XPO4: variants seen among roughly 807,000 people sequenced by gnomAD.
XPO4 encodes the protein exportin-4.
A neutral mutation model predicts 143.0 loss-of-function variants in XPO4; 39 were observed. The ratio of observed to expected loss-of-function variants is 0.27; its 90% CI spans 0.21 to 0.36. The LOEUF is 0.36. XPO4 is among the 10% of genes least tolerant of loss of function. The pLI is 1.00. For missense variants in XPO4, 907 were observed against 1,348.0 expected (o/e 0.67, Z 5.12); for synonymous variants, 439 against 474.0 (o/e 0.93, Z 0.96).
At chr13:20,879,742 T>G (rs750108698) in intron 1 of XPO4, among the ~76,000 whole-genome samples, 7 of 152,108 alleles carry the variant, frequency 4.6e-5, no homozygotes, top group Non-Finnish European at 8.8e-5. Flanking sequence ...AAAACTTCTG[T>G]ACATCAAATG....
chr13:20,800,644 T>C lies in XPO4; in HGVS notation c.1977+187A>G, dbSNP rs531946951. Among the ~76,000 whole-genome samples, 3 of 152,304 alleles carry C rather than the reference T, an allele frequency of 2.0e-5. No homozygotes were observed. The South Asian group carries it at 6.2e-4, about 32-fold the overall frequency. ...CTTCAACAGCAGTTAAAATAAACGATATCAAGGGATGTGCTCAAAAACACA... is the reference window on the plus strand; with the variant it reads ...CTTCAACAGCAGTTAAAATAAACGACATCAAGGGATGTGCTCAAAAACACA... On this transcript the variant is annotated intron_variant, in intron 14 of 22. Transcript: ENST00000255305.
intron 1 of XPO4, among the ~76,000 whole-genome samples, chr13:20,895,197 T>C (rs377467064): frequency 2.6e-5 from 4 of 151,866 alleles, no homozygotes; most frequent in African/African-American, 9.7e-5. Flanking sequence ...AAAATAGAAA[T>C]GCATGCAACA....
chr13:20,828,746 C>T (rs111530410), intron 6 of XPO4, among the ~76,000 whole-genome samples: 4,445 of 152,056 alleles, frequency 0.029, 230 homozygotes, highest in African/African-American at 0.1. Context: ...GAGGTGAAGG[C>T]CAAAAAAGCC....
intron 1 of XPO4, 102 bp downstream of exon 1, chr13:20,902,568 A>G (rs1595179446): frequency 7.2e-7 from 1 of 1,383,270 alleles, no homozygotes; most frequent in Non-Finnish European, 9.4e-7. Context: ...GGCTCCCTGC[A>G]GGCCCTTGCC....
intron 4 of XPO4, 140 bp from the exon 5 acceptor site, chr13:20,844,026 T>C (rs1251385264): frequency 9.2e-6 from 6 of 653,386 alleles, no homozygotes; most frequent in South Asian, 1.9e-5. Flanking sequence ...TAACAACTAG[T>C]CAGAAAATCA....
chr13:20,893,980 A>G (rs1490091006), intron 1 of XPO4, among the ~76,000 whole-genome samples: 1 of 152,044 alleles, frequency 6.6e-6, no homozygotes, highest in Non-Finnish European at 1.5e-5. Context: ...AGTAGCTGGG[A>G]ATACAGGCAT....
intron 9 of XPO4, among the ~76,000 whole-genome samples, chr13:20,818,059 T>C (rs992234875): frequency 2.6e-5 from 4 of 152,144 alleles, no homozygotes; most frequent in African/African-American, 9.7e-5. Context: ...CTTCCCAAGG[T>C]ACGGCCGTGA....
intron 1 of XPO4, among the ~76,000 whole-genome samples, chr13:20,871,936 CAAT>C (rs2060302572): frequency 6.6e-6 from 1 of 152,078 alleles, no homozygotes; most frequent in African/African-American, 2.4e-5. Context: ...ATCATACAAA[CAAT>C]AAAATTATCA....
At chr13:20,858,550 T>C (rs924032967) in intron 3 of XPO4, among the ~76,000 whole-genome samples, 10 of 152,060 alleles carry the variant, frequency 6.6e-5, no homozygotes, top group Non-Finnish European at 1.3e-4. Context: ...CAAGACTCTC[T>C]CTCTTAAAAA....
chr13:20,882,886 C>CAAA (rs546935402), intron 1 of XPO4, among the ~76,000 whole-genome samples: 3 of 119,178 alleles, frequency 2.5e-5, no homozygotes, highest in African/African-American at 9.1e-5. Flanking sequence ...AACTCAGTCT[C>CAAA]AAAAAAAAAA....
intron 3 of XPO4, chr13:20,856,750 CGCACAACT>C (rs1799268223): frequency 2.8e-5 from 22 of 791,970 alleles, no homozygotes; most frequent in Non-Finnish European, 3.4e-5. Context: ...TCCACACACA[CGCACAACT>C]GCAGACATAT....
chr13:20,831,796 G>A (rs1246084567), intron 6 of XPO4, among the ~76,000 whole-genome samples: 2 of 135,284 alleles, frequency 1.5e-5, no homozygotes, highest in Non-Finnish European at 1.5e-5. Flanking sequence ...AGGACATTTA[G>A]TACAGTGATT....
chr13:20,886,212 A>G lies in XPO4; in HGVS notation c.69+16458T>C, dbSNP rs143194473. On this transcript the variant is annotated intron_variant, in intron 1 of 22. Coordinates refer to ENST00000255305, the MANE Select transcript of XPO4 (RefSeq NM_022459.5). ...ATTTTAAATAACTGGTATGTATGTG[A>G]CATATTACCTGACCAAGAGCAATTA... Among the ~76,000 whole-genome samples, 217 of 152,360 alleles carry G rather than the reference A, an allele frequency of 1.4e-3. 2 individuals are homozygous for G. The highest frequency in any genetic ancestry group is 5.1e-3 in the African/African-American group (210 of 41,584).
intron 1 of XPO4, 64 bp from the exon 2 acceptor site, chr13:20,868,765 T>C (rs2060265988): frequency 1.4e-6 from 2 of 1,475,512 alleles, no homozygotes; most frequent in Non-Finnish European, 1.8e-6. Flanking sequence ...AATATCAATA[T>C]TTTTACCCAC....
At chr13:20,784,049 C>A in intron 22 of XPO4, 130 bp from the exon 23 acceptor site, 2 of 861,780 alleles carry the variant, frequency 2.3e-6, no homozygotes, top group Non-Finnish European at 3.6e-6. Context: ...TAGAATAATT[C>A]AGCATTTAAG....
chr13:20,846,352 G>A (rs1279285199), intron 4 of XPO4, among the ~76,000 whole-genome samples: 1 of 152,188 alleles, frequency 6.6e-6, no homozygotes, highest in Non-Finnish European at 1.5e-5. Flanking sequence ...ACAAATGAGT[G>A]AAGGAGAGGG....
At chr13:20,855,812 C>G (rs199954461) in intron 3 of XPO4, 47 bp from the exon 4 acceptor site, 35 of 1,522,084 alleles carry the variant, frequency 2.3e-5, no homozygotes, top group Non-Finnish European at 3.1e-5. Context: ...AAATCTAATA[C>G]AAGAATACTC....
At chr13:20,785,866 A>T in intron 22 of XPO4, among the ~76,000 whole-genome samples, 1 of 124,868 alleles carries the variant, frequency 8.0e-6, no homozygotes, top group Non-Finnish European at 1.7e-5. Flanking sequence ...ACGGGGGAGG[A>T]AAGGAGGGAG....
At chr13:20,856,461 T>TTCAGAAAAGA in intron 3 of XPO4, 2 of 573,852 alleles carry the variant, frequency 3.5e-6, no homozygotes, top group Non-Finnish European at 2.2e-6. Context: ...TTCACAATCT[T>TTCAGAAAAGA]TTCTGAAAGA....
Sources: gnomAD v4.1 joint callset for allele counts (sites outside exome capture counted in the v4.1 genomes callset) on GRCh38, gnomAD v4.1.1 for gene constraint, MANE v1.5 for transcripts, NCBI Gene and HGNC (gene_info 2026-07-23, HGNC 2026-07-21) for gene names.